Variants in SH3RF3 observed in about 807,000 individuals in gnomAD.
SH3RF3 encodes SH3 domain containing ring finger 3, also known as E3 ubiquitin-protein ligase SH3RF3.
SH3RF3 carries 29 observed loss-of-function variants against 66.3 expected under a neutral mutation model. The observed-to-expected ratio is 0.44, with a 90% confidence interval of 0.33 to 0.60. The LOEUF (loss-of-function observed/expected upper bound fraction) is 0.60. Ranked by LOEUF, SH3RF3 falls within the 20% of genes least tolerant of loss-of-function variation. The pLI, the probability that SH3RF3 is intolerant of heterozygous loss-of-function variation, is 0.04. For synonymous variants in SH3RF3, 583 were observed against 532.0 expected (o/e 1.10, Z -1.32); for missense variants, 1,194 against 1,190.9 (o/e 1.00, Z -0.04).
intron 1 of SH3RF3, among the ~76,000 whole-genome samples, chr2:109,218,999 T>C (rs535806672): frequency 4.5e-4 from 68 of 152,364 alleles, no homozygotes; most frequent in Non-Finnish European, 7.3e-4. Flanking sequence ...ATGCCTGTTA[T>C]GGGCACTGAC....
chr2:109,341,680 C>G (rs1191264119), intron 1 of SH3RF3, among the ~76,000 whole-genome samples: 1 of 152,162 alleles, frequency 6.6e-6, no homozygotes, highest in South Asian at 2.1e-4. Flanking sequence ...CCCCTTTGCT[C>G]TGGGCATAAT....
At chr2:109,284,136 C>G (rs1680963116) in intron 1 of SH3RF3, among the ~76,000 whole-genome samples, 1 of 152,194 alleles carries the variant, frequency 6.6e-6, no homozygotes. Context: ...CCCTCAGGTA[C>G]TCAGCCCAGG....
chr2:109,270,820 G>A (rs1349590707), intron 1 of SH3RF3, among the ~76,000 whole-genome samples: 1 of 152,230 alleles, frequency 6.6e-6, no homozygotes, highest in East Asian at 1.9e-4. Flanking sequence ...GTTACAGACA[G>A]AAGTCACAGT....
chr2:109,362,761 G>C (rs189970996), intron 2 of SH3RF3, among the ~76,000 whole-genome samples: 1 of 152,140 alleles, frequency 6.6e-6, no homozygotes, highest in Non-Finnish European at 1.5e-5. Context: ...TGTTAGGTGC[G>C]TGTAATGATA....
chr2:109,382,195 G>T (rs980750587), intron 3 of SH3RF3, among the ~76,000 whole-genome samples: 1 of 152,178 alleles, frequency 6.6e-6, no homozygotes, highest in Non-Finnish European at 1.5e-5. Flanking sequence ...TTTCTTTGTA[G>T]CCCAGGAATT....
chr2:109,440,373 G>A (rs543648199), intron 7 of SH3RF3, among the ~76,000 whole-genome samples: 13 of 152,298 alleles, frequency 8.5e-5, no homozygotes, highest in Admixed American at 7.2e-4. Flanking sequence ...AGAAAGACCC[G>A]CAGTGAAGCC....
At chr2:109,224,632 C>A (rs1679330249) in intron 1 of SH3RF3, among the ~76,000 whole-genome samples, 1 of 152,178 alleles carries the variant, frequency 6.6e-6, no homozygotes, top group African/African-American at 2.4e-5. Flanking sequence ...CCAAGGCGGG[C>A]AGATCACTTG....
chr2:109,435,900 G>T (rs1677384443), intron 6 of SH3RF3, among the ~76,000 whole-genome samples: 1 of 152,190 alleles, frequency 6.6e-6, no homozygotes, highest in African/African-American at 2.4e-5. Flanking sequence ...AGCTCTGAGG[G>T]CTGGGGAAGG....
intron 1 of SH3RF3, among the ~76,000 whole-genome samples, chr2:109,288,974 T>C (rs1286384370): frequency 6.6e-6 from 1 of 152,198 alleles, no homozygotes; most frequent in Admixed American, 6.5e-5. Flanking sequence ...TGTGGGCTTA[T>C]CAAGGACATA....
intron 1 of SH3RF3, among the ~76,000 whole-genome samples, chr2:109,244,146 T>A (rs189800211): frequency 9.2e-4 from 140 of 151,922 alleles, no homozygotes; most frequent in Non-Finnish European, 1.7e-3. Flanking sequence ...CCTCTGTAGC[T>A]ATTTTTTTTG....
At chr2:109,228,429 A>C (rs1226454371) in intron 1 of SH3RF3, among the ~76,000 whole-genome samples, 1 of 152,194 alleles carries the variant, frequency 6.6e-6, no homozygotes, top group Non-Finnish European at 1.5e-5. Flanking sequence ...ATGCACCCAG[A>C]ACACTTCTGA....
chr2:109,500,354 C>T (rs1432735556), intron 9 of SH3RF3, among the ~76,000 whole-genome samples: 1 of 152,126 alleles, frequency 6.6e-6, no homozygotes, highest in Non-Finnish European at 1.5e-5. Context: ...CCAGAGAGCC[C>T]CTGGGGTGCA....
chr2:109,296,807 A>G (rs1018889779), intron 1 of SH3RF3, among the ~76,000 whole-genome samples: 2 of 152,096 alleles, frequency 1.3e-5, no homozygotes, highest in Non-Finnish European at 2.9e-5. Flanking sequence ...GGGGACACTG[A>G]CCACACTAGC....
At chr2:109,204,472 T>C (rs1301146121) in intron 1 of SH3RF3, among the ~76,000 whole-genome samples, 2 of 152,256 alleles carry the variant, frequency 1.3e-5, no homozygotes, top group Admixed American at 1.3e-4. Flanking sequence ...TTGTGGCTTT[T>C]GTTATGCCCC....
At chr2:109,329,869 A>G (rs1203059845) in intron 1 of SH3RF3, among the ~76,000 whole-genome samples, 3 of 152,192 alleles carry the variant, frequency 2.0e-5, no homozygotes, top group Non-Finnish European at 4.4e-5. Context: ...TAAAAGTTAT[A>G]TGAATGTGAA....
At chr2:109,416,079 C>T (rs1377751083) in intron 4 of SH3RF3, among the ~76,000 whole-genome samples, 1 of 152,188 alleles carries the variant, frequency 6.6e-6, no homozygotes, top group Non-Finnish European at 1.5e-5. Context: ...CATGCAGCAT[C>T]GCACTTCTCA....
At chr2:109,454,680 T>G (rs1436082483) in intron 8 of SH3RF3, among the ~76,000 whole-genome samples, 1 of 152,128 alleles carries the variant, frequency 6.6e-6, no homozygotes, top group Non-Finnish European at 1.5e-5. Flanking sequence ...ATAAACAGAA[T>G]GAAACAGGGT....
At chr2:109,136,237 A>T (rs1676812302) in intron 1 of SH3RF3, among the ~76,000 whole-genome samples, 1 of 152,064 alleles carries the variant, frequency 6.6e-6, no homozygotes, top group Non-Finnish European at 1.5e-5. Context: ...AAAAAAAAAC[A>T]CACACATCAG....
chr2:109,418,050 T>C (rs1676771507), intron 4 of SH3RF3, among the ~76,000 whole-genome samples: 1 of 152,054 alleles, frequency 6.6e-6, no homozygotes, highest in African/African-American at 2.4e-5. Flanking sequence ...TTCGCTCACC[T>C]GAGGACACAC....
Sources: gnomAD v4.1 joint callset for allele counts (sites outside exome capture counted in the v4.1 genomes callset) on GRCh38, gnomAD v4.1.1 for gene constraint, MANE v1.5 for transcripts, NCBI Gene and HGNC (gene_info 2026-07-23, HGNC 2026-07-21) for gene names.